Variants in HIVEP3 observed in about 807,000 individuals in gnomAD.
HIVEP3 encodes the protein HIVEP zinc finger 3.
Under a neutral mutation model 152.8 loss-of-function variants are expected in HIVEP3, and 49 were observed. The ratio of observed to expected loss-of-function variants is 0.32; its 90% CI spans 0.26 to 0.41. HIVEP3 has a LOEUF of 0.41. HIVEP3 is among the 10% of genes least tolerant of loss of function. The probability of loss-of-function intolerance (pLI) is 1.00; values close to 1 mark genes in which losing one functional copy is unlikely to be tolerated. For missense variants in HIVEP3, 2,790 were observed against 3,103.3 expected, an observed-to-expected ratio of 0.90 and a Z score of 2.40; for synonymous variants, 1,269 against 1,289.0, an observed-to-expected ratio of 0.98 and a Z score of 0.33.
chr1:41,625,125 T>A (rs891988132), intron 3 of HIVEP3, among the ~76,000 whole-genome samples: 2 of 123,572 alleles, frequency 1.6e-5, no homozygotes, highest in Non-Finnish European at 3.1e-5. Flanking sequence ...ATCATGCCAT[T>A]GCACTCCAGC....
intron 5 of HIVEP3, among the ~76,000 whole-genome samples, chr1:41,564,533 C>G (rs1193519769): frequency 6.6e-6 from 1 of 152,106 alleles, no homozygotes; most frequent in Admixed American, 6.5e-5. Context: ...AGAGAAGATC[C>G]TAAGACAGGA....
At chr1:41,692,858 T>C (rs1242750455) in intron 2 of HIVEP3, among the ~76,000 whole-genome samples, 1 of 152,226 alleles carries the variant, frequency 6.6e-6, no homozygotes, top group Non-Finnish European at 1.5e-5. Flanking sequence ...TCCCTATTGA[T>C]GGACAATTTG....
chr1:41,661,629 C>T (rs1570252072), intron 2 of HIVEP3, among the ~76,000 whole-genome samples: 1 of 152,340 alleles, frequency 6.6e-6, no homozygotes, highest in East Asian at 1.9e-4. Context: ...CCCCGAGGAG[C>T]CCCAGGCTGG....
intron 5 of HIVEP3, among the ~76,000 whole-genome samples, chr1:41,536,771 A>G (rs1643411581): frequency 6.6e-6 from 1 of 152,230 alleles, no homozygotes; most frequent in African/African-American, 2.4e-5. Context: ...AATGCTTTAC[A>G]TGCATTACCT....
intron 5 of HIVEP3, among the ~76,000 whole-genome samples, chr1:41,573,009 GAGC>G (rs1175848051): frequency 6.6e-6 from 1 of 152,256 alleles, no homozygotes; most frequent in African/African-American, 2.4e-5. Flanking sequence ...ATTTAAATGT[GAGC>G]AGAAGCTTCT....
intron 2 of HIVEP3, among the ~76,000 whole-genome samples, chr1:41,670,776 A>G (rs1645863387): frequency 6.6e-6 from 1 of 152,194 alleles, no homozygotes; most frequent in East Asian, 1.9e-4. Flanking sequence ...CCACGCAGTT[A>G]CTAGGAAAGG....
intron 2 of HIVEP3, among the ~76,000 whole-genome samples, chr1:41,682,110 T>C (rs111394064): frequency 5.6e-4 from 85 of 152,172 alleles, no homozygotes; most frequent in African/African-American, 1.9e-3. Flanking sequence ...TCTCTTTCTC[T>C]CTCTCTCTCT....
intron 2 of HIVEP3, among the ~76,000 whole-genome samples, chr1:41,645,161 C>T (rs892585937): frequency 6.6e-6 from 1 of 152,136 alleles, no homozygotes; most frequent in African/African-American, 2.4e-5. Flanking sequence ...GCCTCCAAGC[C>T]CTTGAATCGA....
chr1:42,031,470 G>C (rs1187039648), intron 1 of HIVEP3, among the ~76,000 whole-genome samples: 1 of 151,940 alleles, frequency 6.6e-6, no homozygotes, highest in Non-Finnish European at 1.5e-5. Flanking sequence ...CTTCAACACT[G>C]TTAAGATTTG....
chr1:41,777,602 CA>C (rs1475359719), intron 1 of HIVEP3, among the ~76,000 whole-genome samples: 5 of 152,350 alleles, frequency 3.3e-5, no homozygotes, highest in African/African-American at 1.2e-4. Context: ...CTGCATATAA[CA>C]GTTCACATGC....
At chr1:41,613,864 C>G (rs34366948) in intron 3 of HIVEP3, among the ~76,000 whole-genome samples, 12,422 of 152,262 alleles carry the variant, frequency 0.082, 559 homozygotes, top group Middle Eastern at 0.17. Flanking sequence ...GTTTCCATCT[C>G]TATAAATTTG....
intron 1 of HIVEP3, among the ~76,000 whole-genome samples, chr1:41,776,917 T>C (rs1250901917): frequency 1.3e-5 from 2 of 152,220 alleles, no homozygotes. Flanking sequence ...GCTCTTTCTC[T>C]GAGCTCCCAT....
intron 1 of HIVEP3, among the ~76,000 whole-genome samples, chr1:42,005,496 A>G (rs1645454190): frequency 6.6e-6 from 1 of 152,106 alleles, no homozygotes; most frequent in Non-Finnish European, 1.5e-5. Context: ...TCCAGGATAA[A>G]CCTTTGGGTG....
intron 1 of HIVEP3, among the ~76,000 whole-genome samples, chr1:41,739,445 G>A (rs1442003170): frequency 6.6e-6 from 1 of 152,230 alleles, no homozygotes; most frequent in Non-Finnish European, 1.5e-5. Flanking sequence ...CAGCCCAGTG[G>A]CGGCCAAGTG....
chr1:41,637,414 A>G (rs997045091), intron 2 of HIVEP3, among the ~76,000 whole-genome samples: 2 of 152,230 alleles, frequency 1.3e-5, no homozygotes, highest in Non-Finnish European at 2.9e-5. Context: ...TGTGACGTAC[A>G]AGCTTCAGCG....
chr1:41,528,368 C>T (rs1312271270), intron 5 of HIVEP3, among the ~76,000 whole-genome samples: 3 of 140,974 alleles, frequency 2.1e-5, no homozygotes, highest in Non-Finnish European at 4.6e-5. Context: ...CCCGCCCTTA[C>T]ACTCACCTTC....
intron 5 of HIVEP3, among the ~76,000 whole-genome samples, chr1:41,531,369 T>C (rs1569781228): frequency 8.7e-6 from 1 of 114,804 alleles, no homozygotes. Context: ...ACAGGAGAGA[T>C]GGAAGACAGG....
chr1:41,615,523 G>T (rs1185487058), intron 3 of HIVEP3, among the ~76,000 whole-genome samples: 1 of 152,232 alleles, frequency 6.6e-6, no homozygotes, highest in Non-Finnish European at 1.5e-5. Flanking sequence ...AGACCACAAG[G>T]CCAGTGACAG....
rs552486794 is a variant in HIVEP3 at position 42,008,557 on chromosome 1, T to C, written n.119+27250A>G. The stretch of plus-strand genomic sequence containing the variant: ...TTTTCATTGCCCTACTGGGTTATCA[T>C]AGTTTGTTGGATCCAACATTTTAAC... On this transcript the variant is annotated intron_variant and non_coding_transcript_variant, in intron 1 of 3. Coordinates refer to the HIVEP3 transcript ENST00000489103. Among the ~76,000 whole-genome samples the C allele has an allele frequency of 8.5e-5, 13 of 152,356 alleles. No homozygotes were observed. The East Asian group carries it at 9.6e-4, about 11-fold the overall frequency.
Sources: allele counts gnomAD v4.1 joint callset (sites outside exome capture counted in the v4.1 genomes callset), GRCh38; gene constraint gnomAD v4.1.1; transcripts MANE v1.5; gene names NCBI Gene and HGNC (gene_info 2026-07-23, HGNC 2026-07-21).